The following CHST9 variants were observed in gnomAD, a reference collection of about 807,000 sequenced individuals.
CHST9 encodes carbohydrate sulfotransferase 9.
A neutral mutation model predicts 44.4 loss-of-function variants in CHST9; 41 were observed. The ratio of observed to expected loss-of-function variants is 0.92; its 90% CI spans 0.72 to 1.20. The LOEUF (loss-of-function observed/expected upper bound fraction) is 1.20, where lower values mean the gene tolerates loss of function less well. Among genes scored for constraint, CHST9 ranks in the 50% most tolerant of loss-of-function variants. CHST9 has a pLI of 0.00. For missense variants in CHST9, 504 were observed against 516.5 expected (o/e 0.98, Z 0.23); for synonymous variants, 171 against 178.4 (o/e 0.96, Z 0.33).
At chr18:27,000,648 C>CTATCTATCTATCTATCTA (rs2056940215) in intron 4 of CHST9, among the ~76,000 whole-genome samples, 2 of 151,308 alleles carry the variant, frequency 1.3e-5, no homozygotes, top group African/African-American at 4.8e-5. Context: ...ATCTATCTAT[C>CTATCTATCTATCTATCTA]TATCTATCTC....
At chr18:27,177,313 T>C (rs1475347769) in intron 1 of CHST9, among the ~76,000 whole-genome samples, 1 of 151,996 alleles carries the variant, frequency 6.6e-6, no homozygotes, top group African/African-American at 2.4e-5. Flanking sequence ...TCTTTAAAAC[T>C]GTGCCTATTT....
chr18:26,989,906 T>C (rs776754291), intron 4 of CHST9, among the ~76,000 whole-genome samples: 2 of 152,116 alleles, frequency 1.3e-5, no homozygotes, highest in Non-Finnish European at 1.5e-5. Flanking sequence ...GCCAAGATCA[T>C]GCCACTGCAC....
At chr18:26,921,140 C>A (rs1053575902) in intron 5 of CHST9, among the ~76,000 whole-genome samples, 2 of 152,152 alleles carry the variant, frequency 1.3e-5, no homozygotes, top group Non-Finnish European at 2.9e-5. Flanking sequence ...AGAAAGACAT[C>A]AAATGTAGTG....
At chr18:27,157,805 A>G (rs1460936749) in intron 1 of CHST9, among the ~76,000 whole-genome samples, 1 of 152,156 alleles carries the variant, frequency 6.6e-6, no homozygotes, top group Non-Finnish European at 1.5e-5. Context: ...AGCTTAAAAT[A>G]CAAAACATGT....
intron 2 of CHST9, among the ~76,000 whole-genome samples, chr18:27,132,102 G>C (rs72884365): frequency 6.6e-6 from 1 of 152,108 alleles, no homozygotes; most frequent in Non-Finnish European, 1.5e-5. Context: ...CTGGGCTCTG[G>C]TCACTTATAT....
intron 1 of CHST9, among the ~76,000 whole-genome samples, chr18:27,148,075 C>T (rs900417865): frequency 6.6e-6 from 1 of 151,876 alleles, no homozygotes; most frequent in Non-Finnish European, 1.5e-5. Flanking sequence ...TCCACATGTT[C>T]TCATCATTGA....
At chr18:27,183,130 G>T (rs1346173358) in intron 1 of CHST9, among the ~76,000 whole-genome samples, 3 of 149,940 alleles carry the variant, frequency 2.0e-5, no homozygotes, top group East Asian at 4.1e-4. Flanking sequence ...GGGGTGGGGG[G>T]AAAGCAATCA....
chr18:27,147,858 T>TATC (rs1177096466), intron 1 of CHST9: 1 of 131,594 alleles, frequency 7.6e-6, no homozygotes, highest in Non-Finnish European at 1.6e-5. Context: ...TACTATACTA[T>TATC]TTCTTTTTTT....
intron 4 of CHST9, among the ~76,000 whole-genome samples, chr18:26,982,402 T>G: frequency 6.6e-6 from 1 of 151,810 alleles, no homozygotes; most frequent in South Asian, 2.1e-4. Context: ...ACTTTGCCAG[T>G]TGGGTGATCT....
At chr18:26,973,631 C>T (rs772353656) in intron 4 of CHST9, among the ~76,000 whole-genome samples, 5 of 152,184 alleles carry the variant, frequency 3.3e-5, no homozygotes, top group African/African-American at 4.8e-5. Flanking sequence ...GTGTATTTTA[C>T]GTGTGGCTCA....
chr18:27,119,653 GT>G (rs146966271), intron 2 of CHST9, among the ~76,000 whole-genome samples: 3,833 of 138,224 alleles, frequency 0.028, 134 homozygotes, highest in African/African-American at 0.09. Flanking sequence ...TTTGTTTTGG[GT>G]TTTTTTTTTT....
intron 1 of CHST9, among the ~76,000 whole-genome samples, chr18:27,181,702 C>T (rs559798586): frequency 2.9e-3 from 435 of 152,332 alleles, no homozygotes; most frequent in Non-Finnish European, 5.1e-3. Flanking sequence ...TTAACCACCT[C>T]TGTTACATGT....
At chr18:27,149,329 T>C (rs1018487355) in intron 1 of CHST9, among the ~76,000 whole-genome samples, 3 of 152,138 alleles carry the variant, frequency 2.0e-5, no homozygotes, top group Non-Finnish European at 2.9e-5. Flanking sequence ...CGAAGTCTAA[T>C]AATGGCCTCT....
At chr18:26,995,032 G>A (rs1331685739) in intron 4 of CHST9, among the ~76,000 whole-genome samples, 1 of 152,072 alleles carries the variant, frequency 6.6e-6, no homozygotes, top group African/African-American at 2.4e-5. Flanking sequence ...GCCGGTGGAC[G>A]TGTCTTGGGC....
At chr18:26,975,649 GTATA>G (rs36030325) in intron 4 of CHST9, among the ~76,000 whole-genome samples, 2 of 126,916 alleles carry the variant, frequency 1.6e-5, no homozygotes, top group Non-Finnish European at 3.2e-5. Context: ...ATGTATGTGT[GTATA>G]TATATATATA....
chr18:26,916,699 TG>T lies in CHST9; in HGVS notation c.891del (p.Asn298IlefsTer25). Reference sequence around the variant, plus strand: ...CCGAATACTGGATGGTAATAACTATTGGGGTGTTCAAATTTGTCCCTAAAGG... The same window carrying T: ...CCGAATACTGGATGGTAATAACTATTGGGTGTTCAAATTTGTCCCTAAAGG... ...VSAFRDKFEH[P>X]NSYYHPVFGK... On this transcript the variant is annotated frameshift_variant, in exon 6 of 6. Transcript: ENST00000618847. LOFTEE classifies it high-confidence loss of function. 6.2e-7 allele frequency: 1 copy of T among 1,613,932 alleles called. No individual in the cohort carries two copies. The highest frequency in any genetic ancestry group is 8.5e-7 in the Non-Finnish European group (1 of 1,179,826).
intron 2 of CHST9, among the ~76,000 whole-genome samples, chr18:27,140,784 A>G (rs1206180916): frequency 6.6e-6 from 1 of 152,222 alleles, no homozygotes; most frequent in African/African-American, 2.4e-5. Flanking sequence ...ATTTTACTAC[A>G]GGTGGTTTCA....
At chr18:26,923,986 G>A (rs927168803) in intron 5 of CHST9, among the ~76,000 whole-genome samples, 2 of 152,150 alleles carry the variant, frequency 1.3e-5, no homozygotes, top group Non-Finnish European at 2.9e-5. Flanking sequence ...TCAGATGACA[G>A]GGAGAGGCAG....
chr18:27,018,140 G>A (rs2057176948), intron 4 of CHST9, among the ~76,000 whole-genome samples: 1 of 152,122 alleles, frequency 6.6e-6, no homozygotes, highest in Non-Finnish European at 1.5e-5. Flanking sequence ...CTCCATCACC[G>A]CTGAATTATT....
Sources: gnomAD v4.1 joint callset for allele counts (sites outside exome capture counted in the v4.1 genomes callset) on GRCh38, gnomAD v4.1.1 for gene constraint, MANE v1.5 for transcripts, NCBI Gene and HGNC (gene_info 2026-07-23, HGNC 2026-07-21) for gene names.